Variants in KPNA5 observed in about 807,000 individuals in gnomAD.
KPNA5 encodes importin subunit alpha-6.
Under a neutral mutation model 71.3 loss-of-function variants are expected in KPNA5, and 46 were observed. The observed-to-expected ratio is 0.65, with a 90% confidence interval of 0.51 to 0.83. KPNA5 has a LOEUF of 0.83. Ranked by LOEUF, KPNA5 falls within the 40% of genes least tolerant of loss-of-function variation. KPNA5 has a pLI of 0.00. For missense variants in KPNA5, 547 were observed against 628.3 expected, an observed-to-expected ratio of 0.87 and a Z score of 1.38; for synonymous variants, 207 against 201.4, an observed-to-expected ratio of 1.03 and a Z score of -0.24.
At chr6:116,686,340 ATG>A (rs1172100206) in intron 1 of KPNA5, among the ~76,000 whole-genome samples, 2 of 152,072 alleles carry the variant, frequency 1.3e-5, no homozygotes, top group Non-Finnish European at 2.9e-5. Context: ...TCTTGGCTGC[ATG>A]TATGTCCTTT....
At position 116,732,074 on chromosome 6, in the gene KPNA5, TTATATA is replaced by T. The variant is rs2243369; in HGVS notation, c.1433-19_1433-14del. On this transcript the variant is annotated intron_variant, in intron 13 of 13. Transcript: ENST00000368564. ...TACTGAAATTGTAGTAACAGTTTGT[TTATATA>T]TATATATATATATATATATATATAT... is the stretch of plus-strand genomic sequence containing the variant. 302 of 67,626 alleles carry T rather than the reference TTATATA, an allele frequency of 4.5e-3. 1 individual carries two copies. The highest frequency in any genetic ancestry group is 4.5e-3 in the Admixed American group (24 of 5,372). 4.2% of individuals were successfully genotyped at this position (67,626 alleles called of 1,614,324 possible).
Position 116,740,656 on chromosome 6 carries a change from A to T in KPNA5, c.*8333A>T, listed in dbSNP as rs1370221034. 1 of 152,164 alleles carries T rather than the reference A, an allele frequency of 6.6e-6. No homozygotes were observed. Among genetic ancestry groups the T allele is most frequent in the East Asian group, 1.9e-4 (1 of 5,194 alleles). The allele number at this position is 152,164 out of a possible 1,614,324, so 9.4% of individuals were successfully genotyped here. On this transcript the variant is annotated 3_prime_UTR_variant, in exon 14 of 14. Transcript: ENST00000368564. Reference sequence around the variant, plus strand: ...TGGCACATATACACCATGGAATACTATGCAGCCATAAAAAATGATGAGTTC... The same window carrying T: ...TGGCACATATACACCATGGAATACTTTGCAGCCATAAAAAATGATGAGTTC...
chr6:116,698,656 T>G, intron 4 of KPNA5, 48 bp from the exon 5 acceptor site: 1 of 1,141,000 alleles, frequency 8.8e-7, no homozygotes, highest in Non-Finnish European at 1.3e-6. Flanking sequence ...GACTAGATTG[T>G]TTTCTTTTTG....
intron 7 of KPNA5, among the ~76,000 whole-genome samples, chr6:116,710,342 T>C (rs1328540736): frequency 6.6e-6 from 1 of 152,128 alleles, no homozygotes; most frequent in Non-Finnish European, 1.5e-5. Context: ...GTCTTTGGTA[T>C]CAGGGTAATG....
intron 7 of KPNA5, among the ~76,000 whole-genome samples, chr6:116,708,965 T>C (rs1171229378): frequency 6.6e-6 from 1 of 152,112 alleles, no homozygotes; most frequent in Non-Finnish European, 1.5e-5. Context: ...TTTGTATTTT[T>C]AGTAGAGACG....
In KPNA5 at chr6:116,722,356, G is replaced by T. The variant is rs181679381; in HGVS notation, c.920+67G>T. On this transcript the variant is annotated intron_variant, in intron 9 of 13. Transcript: ENST00000368564. ...ATTAAAATTAGCAATTCAAGTAATAGCTTTGTAAATATCTCAAGAGTCACT... is the reference window on the plus strand; with the variant it reads ...ATTAAAATTAGCAATTCAAGTAATATCTTTGTAAATATCTCAAGAGTCACT... 7.2e-6 allele frequency: 9 copies of T among 1,250,102 alleles called. No individual in the cohort carries two copies. The African/African-American group carries it at 1.2e-4, about 17-fold the overall frequency. 77.4% of individuals were successfully genotyped at this position (1,250,102 alleles called of 1,614,324 possible). A position where few individuals can be genotyped will look rare whatever the true frequency, so the allele number is the denominator to read the frequency against.
chr6:116,711,616 T>A (rs1390745868), intron 7 of KPNA5, among the ~76,000 whole-genome samples: 1 of 152,014 alleles, frequency 6.6e-6, no homozygotes, highest in African/African-American at 2.4e-5. Flanking sequence ...TAGTTCTGAA[T>A]TTTCTAGTTT....
At chr6:116,705,452 C>A (rs1215861680) in intron 7 of KPNA5, among the ~76,000 whole-genome samples, 1 of 152,096 alleles carries the variant, frequency 6.6e-6, no homozygotes, top group East Asian at 1.9e-4. Flanking sequence ...ATAAAATTTA[C>A]ATATTGCTAT....
chr6:116,709,134 A>T (rs186747628), intron 7 of KPNA5, among the ~76,000 whole-genome samples: 1 of 152,262 alleles, frequency 6.6e-6, no homozygotes, highest in Non-Finnish European at 1.5e-5. Flanking sequence ...TATTAACACT[A>T]ATAGTTTTTT....
intron 8 of KPNA5, among the ~76,000 whole-genome samples, chr6:116,718,768 T>G (rs1303553819): frequency 6.6e-6 from 1 of 151,922 alleles, no homozygotes; most frequent in African/African-American, 2.4e-5. Flanking sequence ...AATTTTCTTT[T>G]TTTTTTCTTC....
intron 12 of KPNA5, among the ~76,000 whole-genome samples, chr6:116,729,158 C>CGTGTGTGTGT (rs150925835): frequency 0.023 from 2,550 of 112,076 alleles, 54 homozygotes; most frequent in East Asian, 0.028. Context: ...ATATGACCTC[C>CGTGTGTGTGT]GTGTGTGTGT....
intron 4 of KPNA5, among the ~76,000 whole-genome samples, chr6:116,696,727 A>G (rs1049448976): frequency 3.9e-5 from 6 of 152,094 alleles, no homozygotes; most frequent in African/African-American, 9.7e-5. Context: ...ACTTATTGCC[A>G]TAATGACTAA....
At position 116,705,151 on chromosome 6, in the gene KPNA5, C is replaced by T; in HGVS notation, c.647C>T (p.Pro216Leu). Residue 216 changes from proline (P) to leucine (L), a missense_variant, in exon 7 of 14, where the codon CCT becomes CTT. Physicochemically the swap from Pro to Leu is moderately conservative, Grantham distance 98. Coordinates refer to ENST00000368564, the MANE Select transcript of KPNA5 (RefSeq NM_001366306.2). ...DFVLNCEILPPLLELLTNSNR... is the reference protein window; with the variant it reads ...DFVLNCEILPLLLELLTNSNR... ...GTTTTGAATTGTGAAATACTTCCAC[C>T]TCTTTTAGAGTAAGTACTTTATCAC... The T allele has an allele frequency of 6.2e-7, 1 of 1,605,868 alleles. No homozygotes were observed. The highest frequency in any genetic ancestry group is 8.5e-7 in the Non-Finnish European group (1 of 1,174,020).
rs1045554532 is a variant in KPNA5, at chr6:116,736,640, T to C, written c.*4317T>C. ...GAGCTTCCTAGGATCCATGGATTTATAGTTTTCATCAAATTTGAAAACACA... is the reference window on the plus strand; with the variant it reads ...GAGCTTCCTAGGATCCATGGATTTACAGTTTTCATCAAATTTGAAAACACA... On this transcript the variant is annotated 3_prime_UTR_variant, in exon 14 of 14. Coordinates refer to ENST00000368564, the MANE Select transcript of KPNA5 (RefSeq NM_001366306.2). 3.9e-5 allele frequency: 6 copies of C among 152,014 alleles called. No individual in the cohort carries two copies. Among genetic ancestry groups the C allele is most frequent in the African/African-American group, 2.4e-5 (1 of 41,436 alleles). 9.4% of individuals were successfully genotyped at this position (152,014 alleles called of 1,614,324 possible). A position where few individuals can be genotyped will look rare whatever the true frequency, so the allele number is the denominator to read the frequency against.
At chr6:116,717,063 C>A (rs9489020) in intron 8 of KPNA5, among the ~76,000 whole-genome samples, 5,273 of 152,088 alleles carry the variant, frequency 0.035, 271 homozygotes, top group African/African-American at 0.11. Context: ...TGCCTATTCA[C>A]GTTAACTCTT....
intron 7 of KPNA5, among the ~76,000 whole-genome samples, chr6:116,710,425 T>C (rs1778617299): frequency 6.6e-6 from 1 of 152,156 alleles, no homozygotes; most frequent in African/African-American, 2.4e-5. Flanking sequence ...ATAGTAGATA[T>C]GTTTATTTAT....
intron 7 of KPNA5, among the ~76,000 whole-genome samples, chr6:116,712,650 A>G (rs1161517234): frequency 6.6e-6 from 1 of 152,166 alleles, no homozygotes; most frequent in Non-Finnish European, 1.5e-5. Flanking sequence ...GCTTTTGTAG[A>G]GACAGAGTCT....
chr6:116,711,764 G>A (rs1253342905), intron 7 of KPNA5, among the ~76,000 whole-genome samples: 5 of 151,990 alleles, frequency 3.3e-5, no homozygotes, highest in Admixed American at 2.6e-4. Context: ...TGGGATTACC[G>A]GCATGTGCCA....
At position 116,729,580 on chromosome 6, in the gene KPNA5, G is replaced by T; in HGVS notation, c.1271G>T (p.Gly424Val). The T allele has an allele frequency of 6.4e-7, 1 of 1,569,906 alleles. No individual in the cohort carries two copies. The highest frequency in any genetic ancestry group is 8.6e-7 in the Non-Finnish European group (1 of 1,156,924). The change falls in exon 13 of 14, where the codon GGC becomes GTC. Residue 424 changes from glycine to valine, a missense_variant. Transcript: ENST00000368564. ...PEQIRYLVAL[G>V]CIKPLCDLLT... ...ATCTGAAGGTATTTGGTAGCTTTAGGCTGCATTAAACCACTTTGTGATCTT... is the reference window on the plus strand; with the variant it reads ...ATCTGAAGGTATTTGGTAGCTTTAGTCTGCATTAAACCACTTTGTGATCTT...
Sources: gnomAD v4.1 joint callset for allele counts (sites outside exome capture counted in the v4.1 genomes callset) on GRCh38, gnomAD v4.1.1 for gene constraint, MANE v1.5 for transcripts, NCBI Gene and HGNC (gene_info 2026-07-23, HGNC 2026-07-21) for gene names.